SAMSN1: variants seen among roughly 807,000 people sequenced by gnomAD.
The protein encoded by SAMSN1 is SAM domain-containing protein SAMSN-1.
In SAMSN1, 31 loss-of-function variants were observed where a neutral mutation model predicts 42.0. That is an observed-to-expected ratio of 0.74 (90% CI 0.55 to 1.00). The LOEUF is 1.00. Ranked by LOEUF, SAMSN1 falls within the 50% of genes least tolerant of loss-of-function variation. The pLI is 0.00. For missense variants in SAMSN1, 464 were observed against 439.4 expected, an observed-to-expected ratio of 1.06 and a Z score of -0.50; for synonymous variants, 178 against 151.9, an observed-to-expected ratio of 1.17 and a Z score of -1.26.
intron 2 of SAMSN1, among the ~76,000 whole-genome samples, chr21:14,623,166 T>C (rs888506384): frequency 1.3e-5 from 2 of 152,108 alleles, no homozygotes; most frequent in Non-Finnish European, 2.9e-5. Context: ...TGCAAAAACA[T>C]GACAAATTGT....
chr21:14,497,536 G>A (rs550446781), intron 7 of SAMSN1, among the ~76,000 whole-genome samples: 2 of 152,244 alleles, frequency 1.3e-5, no homozygotes, highest in South Asian at 2.1e-4. Flanking sequence ...AGGTCGCGGT[G>A]AGCCGAGATC....
At chr21:14,549,959 T>C (rs1289996618), upstream of SAMSN1, among the ~76,000 whole-genome samples, 1 of 152,112 alleles carries the variant, frequency 6.6e-6, no homozygotes, top group Non-Finnish European at 1.5e-5. Flanking sequence ...TCTCAGTGTT[T>C]CCTGAAATAA....
chr21:14,569,797 G>C (rs77677008), intron 2 of SAMSN1, among the ~76,000 whole-genome samples: 198 of 152,188 alleles, frequency 1.3e-3, no homozygotes, highest in African/African-American at 4.4e-3. Context: ...ATATGGGAAC[G>C]ATTTAATCTG....
At chr21:14,598,857 T>C (rs2123293198) in intron 6 of SAMSN1, among the ~76,000 whole-genome samples, 1 of 152,334 alleles carries the variant, frequency 6.6e-6, no homozygotes, top group Non-Finnish European at 1.5e-5. Flanking sequence ...TTACTAATAT[T>C]CAGGAAATGA....
intron 5 of SAMSN1, among the ~76,000 whole-genome samples, chr21:14,604,775 G>A (rs1244650818): frequency 2.0e-5 from 3 of 152,212 alleles, no homozygotes; most frequent in Non-Finnish European, 2.9e-5. Flanking sequence ...GCCTAACCTA[G>A]ACTAGTTGTC....
intron 7 of SAMSN1, among the ~76,000 whole-genome samples, chr21:14,590,424 C>T (rs455488): frequency 0.49 from 74,155 of 151,716 alleles, 18,896 homozygotes; most frequent in Admixed American, 0.6. Flanking sequence ...ACTACAGGCA[C>T]GCACCATCAT....
At chr21:14,628,912 C>T (rs1188266449) in intron 2 of SAMSN1, among the ~76,000 whole-genome samples, 1 of 152,076 alleles carries the variant, frequency 6.6e-6, no homozygotes, top group African/African-American at 2.4e-5. Flanking sequence ...TACAATTAAC[C>T]TCAATTTATA....
At chr21:14,647,849 T>C (rs1349894385) in intron 1 of SAMSN1, among the ~76,000 whole-genome samples, 1 of 149,936 alleles carries the variant, frequency 6.7e-6, no homozygotes, top group African/African-American at 2.5e-5. Flanking sequence ...ATCCTGAGAC[T>C]TTGCTGAAGT....
intron 2 of SAMSN1, among the ~76,000 whole-genome samples, chr21:14,573,569 G>C (rs1487764017): frequency 6.6e-6 from 1 of 152,082 alleles, no homozygotes; most frequent in Non-Finnish European, 1.5e-5. Flanking sequence ...ACCTAAACCA[G>C]CTGAGGTAAA....
At chr21:14,627,974 C>G (rs2822812) in intron 2 of SAMSN1, among the ~76,000 whole-genome samples, 13,449 of 152,114 alleles carry the variant, frequency 0.088, 783 homozygotes, top group Admixed American at 0.2. Flanking sequence ...GTTGAATATC[C>G]TCACCCAAAA....
At chr21:14,595,916 AAATTCCT>A (rs1982247368) in intron 6 of SAMSN1, among the ~76,000 whole-genome samples, 1 of 152,176 alleles carries the variant, frequency 6.6e-6, no homozygotes, top group African/African-American at 2.4e-5. Flanking sequence ...CTGGGCTGCG[AAATTCCT>A]TTTTAAAAAT....
At chr21:14,597,078 A>G (rs1341945013) in intron 6 of SAMSN1, among the ~76,000 whole-genome samples, 1 of 152,070 alleles carries the variant, frequency 6.6e-6, no homozygotes, top group African/African-American at 2.4e-5. Context: ...TGTCATACAT[A>G]AAGACTATCA....
upstream of SAMSN1, among the ~76,000 whole-genome samples, chr21:14,548,555 A>G (rs995142965): frequency 8.5e-5 from 13 of 152,180 alleles, no homozygotes; most frequent in Admixed American, 7.2e-4. Flanking sequence ...ATTACAAGAA[A>G]TGTTTAAAAT....
At chr21:14,577,238 G>GTATGTATA (rs1981508354) in intron 2 of SAMSN1, among the ~76,000 whole-genome samples, 1 of 28,190 alleles carries the variant, frequency 3.5e-5, no homozygotes, top group African/African-American at 1.9e-4. Flanking sequence ...ATATATGTGT[G>GTATGTATA]TATATATATA....
At chr21:14,655,595 T>C (rs946163575) in intron 1 of SAMSN1, among the ~76,000 whole-genome samples, 1 of 151,702 alleles carries the variant, frequency 6.6e-6, no homozygotes, top group African/African-American at 2.4e-5. Context: ...ATTTGAAAAA[T>C]TTTAAAGTTT....
chr21:14,494,696 T>TA (rs1456819593), intron 7 of SAMSN1, among the ~76,000 whole-genome samples: 1 of 147,178 alleles, frequency 6.8e-6, no homozygotes, highest in Non-Finnish European at 1.5e-5. Context: ...TCCCAGAACT[T>TA]AAAGTACAAT....
rs181476237 is a variant in SAMSN1 at position 14,614,366 on chromosome 21, C to T, written c.198-1453G>A. ...TTTAAGTTTGGTGATATGAGTTTAT[C>T]ATTAACTCTTCCCCTATGTATGATT... On this transcript the variant is annotated intron_variant, in intron 3 of 15. Transcript: ENST00000647101. Among the ~76,000 whole-genome samples, 626 of 152,186 alleles carry T rather than the reference C, an allele frequency of 4.1e-3. 7 individuals carry two copies. Among genetic ancestry groups the T allele is most frequent in the African/African-American group, 0.014 (575 of 41,534 alleles).
At chr21:14,519,130 G>T (rs1988045385) in intron 2 of SAMSN1, among the ~76,000 whole-genome samples, 2 of 152,000 alleles carry the variant, frequency 1.3e-5, no homozygotes, top group South Asian at 4.1e-4. Flanking sequence ...TTTTGTTCTT[G>T]TCTTTTTAAG....
At position 14,577,273 on chromosome 21, in the gene SAMSN1, TA is replaced by T. The variant is rs1568816179; in HGVS notation, c.261+4862del. ...ATATATATATATATATATATATATA[TA>T]TATATATATATTTTTTTTTTAGAAG... On this transcript the variant is annotated intron_variant, in intron 2 of 8. Transcript: ENST00000285670. 9.0e-4 allele frequency among the ~76,000 whole-genome samples: 49 copies of T among 54,184 alleles called. 4 individuals are homozygous for T. The East Asian group carries it at 0.011, about 12-fold the overall frequency. 35.5% of individuals were successfully genotyped at this position (54,184 alleles called of 152,430 possible). A position where few individuals can be genotyped will look rare whatever the true frequency, so the allele number is the denominator to read the frequency against.
Sources: gnomAD v4.1 joint callset for allele counts (sites outside exome capture counted in the v4.1 genomes callset) on GRCh38, gnomAD v4.1.1 for gene constraint, MANE v1.5 for transcripts, NCBI Gene and HGNC (gene_info 2026-07-23, HGNC 2026-07-21) for gene names.